Variants in NKAIN2 observed in about 807,000 individuals in gnomAD.
NKAIN2 encodes the protein sodium/potassium-transporting ATPase subunit beta-1-interacting protein 2.
Under a neutral mutation model 32.6 loss-of-function variants are expected in NKAIN2, and 14 were observed. That is an observed-to-expected ratio of 0.43 (90% confidence interval 0.28 to 0.67). The LOEUF is 0.67. Among genes scored for constraint, NKAIN2 ranks in the 30% least tolerant of loss-of-function variants. The probability of loss-of-function intolerance (pLI) is 0.17; values close to 1 mark genes in which losing one functional copy is unlikely to be tolerated. For synonymous variants in NKAIN2, 80 were observed against 87.2 expected, an observed-to-expected ratio of 0.92 and a Z score of 0.46; for missense variants, 198 against 258.3, an observed-to-expected ratio of 0.77 and a Z score of 1.60.
At chr6:124,720,360 TTTTTA>T (rs1212695271) in intron 4 of NKAIN2, among the ~76,000 whole-genome samples, 1 of 152,186 alleles carries the variant, frequency 6.6e-6, no homozygotes, top group African/African-American at 2.4e-5. Flanking sequence ...TTAGTTGTTG[TTTTTA>T]TTTTTGCTGA....
intron 1 of NKAIN2, among the ~76,000 whole-genome samples, chr6:124,002,208 GGATGCT>G (rs1779906526): frequency 6.6e-6 from 1 of 152,044 alleles, no homozygotes; most frequent in South Asian, 2.1e-4. Flanking sequence ...TCTCTGAGTT[GGATGCT>G]CCCGGTATAT....
At chr6:124,289,041 T>C (rs1209296474) in intron 2 of NKAIN2, among the ~76,000 whole-genome samples, 1 of 152,188 alleles carries the variant, frequency 6.6e-6, no homozygotes, top group Non-Finnish European at 1.5e-5. Flanking sequence ...AGTCATCAAA[T>C]GATGGTTAGA....
intron 1 of NKAIN2, among the ~76,000 whole-genome samples, chr6:124,073,175 T>C (rs1277704468): frequency 6.6e-6 from 1 of 152,212 alleles, no homozygotes; most frequent in Non-Finnish European, 1.5e-5. Flanking sequence ...GGCGGAGTTG[T>C]AACCTCAAAG....
chr6:124,534,156 T>C lies in NKAIN2; in HGVS notation c.274-124030T>C, dbSNP rs558781979. Among the ~76,000 whole-genome samples, 73 of 152,274 alleles carry C rather than the reference T, an allele frequency of 4.8e-4. 1 individual carries two copies. In the South Asian group the frequency reaches 0.015, roughly 31 times the overall value. Reference sequence around the variant, plus strand: ...TTGTTTTCTTTTTTTTTTTCCTTTTTTGGGGGGCATTGGGGGACAGAGTCT... The same window carrying C: ...TTGTTTTCTTTTTTTTTTTCCTTTTCTGGGGGGCATTGGGGGACAGAGTCT... On this transcript the variant is annotated intron_variant, in intron 3 of 6. Coordinates refer to ENST00000368417, the MANE Select transcript of NKAIN2 (RefSeq NM_001040214.3).
chr6:124,660,745 G>A (rs1448074488), intron 4 of NKAIN2, among the ~76,000 whole-genome samples: 1 of 152,194 alleles, frequency 6.6e-6, no homozygotes, highest in Non-Finnish European at 1.5e-5. Context: ...GGCATTACTT[G>A]GAGAAATTTC....
intron 2 of NKAIN2, among the ~76,000 whole-genome samples, chr6:124,334,186 C>T (rs571103837): frequency 6.6e-5 from 10 of 152,252 alleles, no homozygotes; most frequent in Admixed American, 6.5e-4. Context: ...GTTCTCTCTT[C>T]AGGAGATTTT....
chr6:124,716,233 G>A (rs141282474), intron 4 of NKAIN2, among the ~76,000 whole-genome samples: 1 of 152,306 alleles, frequency 6.6e-6, no homozygotes, highest in East Asian at 1.9e-4. Flanking sequence ...CTCTGTGCAT[G>A]CCTACTGCAC....
chr6:124,185,485 T>C (rs943409528), intron 1 of NKAIN2, among the ~76,000 whole-genome samples: 2 of 152,154 alleles, frequency 1.3e-5, no homozygotes, highest in Admixed American at 1.3e-4. Context: ...TGAACTTATA[T>C]AATGAACAAT....
chr6:124,767,713 C>T (rs1583826224), intron 4 of NKAIN2, among the ~76,000 whole-genome samples: 1 of 152,212 alleles, frequency 6.6e-6, no homozygotes, highest in African/African-American at 2.4e-5. Flanking sequence ...CCTTTCAACA[C>T]TCTGGTGGTC....
intron 3 of NKAIN2, among the ~76,000 whole-genome samples, chr6:124,410,220 T>A (rs1228612529): frequency 6.6e-6 from 1 of 152,138 alleles, no homozygotes; most frequent in Non-Finnish European, 1.5e-5. Context: ...CTTAGTTATT[T>A]CTTGCCTTCT....
At chr6:124,731,571 AG>A (rs938912982) in intron 4 of NKAIN2, among the ~76,000 whole-genome samples, 2 of 76,876 alleles carry the variant, frequency 2.6e-5, no homozygotes, top group East Asian at 4.5e-4. Context: ...GGGTGGGGGG[AG>A]GGGGGAGGGA....
At chr6:124,735,028 A>G in intron 4 of NKAIN2, among the ~76,000 whole-genome samples, 1 of 151,942 alleles carries the variant, frequency 6.6e-6, no homozygotes, top group Non-Finnish European at 1.5e-5. Flanking sequence ...ACAGATTTTA[A>G]TGGTCCACAC....
intron 1 of NKAIN2, among the ~76,000 whole-genome samples, chr6:123,888,739 C>T (rs1346971880): frequency 6.6e-6 from 1 of 152,042 alleles, no homozygotes; most frequent in Non-Finnish European, 1.5e-5. Context: ...CAAATAATCC[C>T]TATATATTTA....
At chr6:124,544,731 A>G (rs1780033766) in intron 3 of NKAIN2, among the ~76,000 whole-genome samples, 1 of 152,194 alleles carries the variant, frequency 6.6e-6, no homozygotes, top group South Asian at 2.1e-4. Flanking sequence ...ATAGTTAGAC[A>G]TGTTTTTAAA....
intron 1 of NKAIN2, among the ~76,000 whole-genome samples, chr6:123,959,944 TG>T (rs1250387777): frequency 6.7e-6 from 1 of 148,622 alleles, no homozygotes; most frequent in East Asian, 2.0e-4. Flanking sequence ...TGTGTGTGTG[TG>T]TGTGTGTGTG....
chr6:124,312,283 C>T (rs1167407975), intron 2 of NKAIN2, among the ~76,000 whole-genome samples: 2 of 152,140 alleles, frequency 1.3e-5, no homozygotes, highest in Non-Finnish European at 2.9e-5. Context: ...GCTGCAGACA[C>T]CAGCTAGCTG....
chr6:124,649,437 G>A (rs188442009), intron 3 of NKAIN2, among the ~76,000 whole-genome samples: 1 of 152,144 alleles, frequency 6.6e-6, no homozygotes, highest in Non-Finnish European at 1.5e-5. Context: ...AATTGAATAG[G>A]CTTTTATCTA....
At chr6:124,407,030 A>C (rs1354554149) in intron 3 of NKAIN2, among the ~76,000 whole-genome samples, 1 of 152,076 alleles carries the variant, frequency 6.6e-6, no homozygotes, top group African/African-American at 2.4e-5. Context: ...TTAACATTTC[A>C]TTTCATGAAC....
chr6:124,224,402 C>T (rs1791999749), intron 1 of NKAIN2, among the ~76,000 whole-genome samples: 1 of 152,038 alleles, frequency 6.6e-6, no homozygotes, highest in South Asian at 2.1e-4. Context: ...TGTTTTGTGC[C>T]TTTTTGAGAC....
Sources: gnomAD v4.1 joint callset for allele counts (sites outside exome capture counted in the v4.1 genomes callset) on GRCh38, gnomAD v4.1.1 for gene constraint, MANE v1.5 for transcripts, NCBI Gene and HGNC (gene_info 2026-07-23, HGNC 2026-07-21) for gene names.